The following CFAP61 variants were observed in gnomAD, a reference collection of about 807,000 sequenced individuals.
CFAP61 encodes the protein cilia- and flagella-associated protein 61.
In CFAP61, 107 loss-of-function variants were observed where a neutral mutation model predicts 135.6. The ratio of observed to expected loss-of-function variants is 0.79; its 90% CI spans 0.67 to 0.93. The LOEUF is 0.93. Among genes scored for constraint, CFAP61 ranks in the 40% least tolerant of loss-of-function variants. CFAP61 has a pLI of 0.00. For synonymous variants in CFAP61, 575 were observed against 578.5 expected (o/e 0.99, Z 0.09); for missense variants, 1,507 against 1,556.2 (o/e 0.97, Z 0.53).
At chr20:20,300,098 T>A (rs1445638091) in intron 25 of CFAP61, among the ~76,000 whole-genome samples, 2 of 152,314 alleles carry the variant, frequency 1.3e-5, no homozygotes, top group South Asian at 4.1e-4. Flanking sequence ...GCACAACACA[T>A]GACTCACGTG....
At chr20:20,222,929 A>G (rs567725258) in intron 17 of CFAP61, among the ~76,000 whole-genome samples, 2 of 152,236 alleles carry the variant, frequency 1.3e-5, no homozygotes, top group Non-Finnish European at 2.9e-5. Flanking sequence ...TTACATTTAT[A>G]AAGCAAAAGT....
chr20:20,108,212 A>T (rs1490893104), intron 8 of CFAP61, among the ~76,000 whole-genome samples: 1 of 152,210 alleles, frequency 6.6e-6, no homozygotes, highest in Non-Finnish European at 1.5e-5. Flanking sequence ...CTGATATAAC[A>T]TTCTGGAGTA....
At chr20:20,101,552 G>A (rs2048020558) in intron 8 of CFAP61, among the ~76,000 whole-genome samples, 1 of 152,176 alleles carries the variant, frequency 6.6e-6, no homozygotes, top group South Asian at 2.1e-4. Context: ...GGTTTTGACA[G>A]AAAACTCCAA....
chr20:20,164,115 C>T lies in CFAP61; in HGVS notation c.1092C>T (p.Ser364=), dbSNP rs904258854. 1.8e-5 allele frequency: 29 copies of T among 1,613,836 alleles called. No homozygotes were observed. Among genetic ancestry groups the T allele is most frequent in the Non-Finnish European group, 2.2e-5 (26 of 1,179,884 alleles). ...AGTATCACCATGTCAGCAGTAGGAG[C>T]TTGGCATCGCTCGTACTGCCTGAAG... ...YAQYHHVSSR[S]LASLVLPEEP... Residue 364 remains serine, a synonymous_variant, in exon 11 of 27, where the codon AGC becomes AGT. Transcript: ENST00000245957.
chr20:20,149,205 A>AAAG (rs2052181354), intron 9 of CFAP61, among the ~76,000 whole-genome samples: 1 of 152,212 alleles, frequency 6.6e-6, no homozygotes, highest in Admixed American at 6.5e-5. Context: ...AGACTCAATA[A>AAAG]ATTTAGGATT....
chr20:20,357,450 CAGTGTGCGGGGAGGTGGTCAT>C (rs1308595369), intron 26 of CFAP61, among the ~76,000 whole-genome samples: 30 of 8,880 alleles, frequency 3.4e-3, no homozygotes, highest in Admixed American at 5.7e-3. Context: ...GAGGTGGTCA[CAGTGTGCGGGGAGGTGGTCAT>C]ACTGAGGGGA....
chr20:20,337,366 A>G (rs1188776137), intron 25 of CFAP61, among the ~76,000 whole-genome samples: 1 of 129,758 alleles, frequency 7.7e-6, no homozygotes, highest in Non-Finnish European at 1.6e-5. Context: ...GGATGGATGG[A>G]TGGATGGATG....
intron 25 of CFAP61, among the ~76,000 whole-genome samples, chr20:20,334,339 C>G (rs1239119406): frequency 6.6e-6 from 1 of 152,144 alleles, no homozygotes; most frequent in Non-Finnish European, 1.5e-5. Context: ...CTTGGCCAGG[C>G]TGGTCTCGAA....
intron 26 of CFAP61, among the ~76,000 whole-genome samples, chr20:20,349,226 G>T (rs921445593): frequency 2.0e-5 from 3 of 152,144 alleles, no homozygotes; most frequent in African/African-American, 7.2e-5. Context: ...CCTGAGACTG[G>T]GTAGTTTATA....
chr20:20,124,477 T>C (rs372520862), intron 8 of CFAP61, among the ~76,000 whole-genome samples: 1 of 151,930 alleles, frequency 6.6e-6, no homozygotes, highest in African/African-American at 2.4e-5. Context: ...AAATGCTTTT[T>C]CTGCATCTAT....
chr20:20,154,040 G>A (rs1265336620), intron 9 of CFAP61, among the ~76,000 whole-genome samples: 3 of 152,064 alleles, frequency 2.0e-5, no homozygotes, highest in African/African-American at 7.2e-5. Flanking sequence ...TACCAGGGAT[G>A]CAGGGTTTAA....
intron 25 of CFAP61, among the ~76,000 whole-genome samples, chr20:20,313,836 C>T (rs895136253): frequency 4.6e-5 from 7 of 152,154 alleles, no homozygotes; most frequent in African/African-American, 1.2e-4. Context: ...TTCTCTGCTA[C>T]GTCATAACAT....
chr20:20,218,772 A>G (rs959268983), intron 17 of CFAP61, among the ~76,000 whole-genome samples: 5 of 152,206 alleles, frequency 3.3e-5, no homozygotes, highest in Admixed American at 6.5e-5. Context: ...GATCCTTGAT[A>G]TGTATCTGTC....
chr20:20,119,964 A>G (rs184668895), intron 8 of CFAP61, among the ~76,000 whole-genome samples: 161 of 152,340 alleles, frequency 1.1e-3, no homozygotes, highest in African/African-American at 3.7e-3. Flanking sequence ...CAAAGGCTGC[A>G]TAGTATTCCA....
In CFAP61 at chr20:20,191,348, A is replaced by T; in HGVS notation, c.1519A>T (p.Thr507Ser). 1 of 1,612,740 alleles carries T rather than the reference A, an allele frequency of 6.2e-7. No homozygotes were observed. The highest frequency in any genetic ancestry group is 1.7e-5 in the Admixed American group (1 of 60,010). Residue 507 changes from threonine (T) to serine (S), a missense_variant, in exon 15 of 27, where the codon ACA (threonine) becomes TCA (serine). Coordinates refer to ENST00000245957, the MANE Select transcript of CFAP61 (RefSeq NM_015585.4). ...YNKARKDPDG[T>S]LLQAFVAEVA... ...TATATGCTTATCTTTTCAGGATGGA[A>T]CACTGCTGCAGGCATTTGTAGCTGA...
rs375931602 is a variant in CFAP61, at chr20:20,098,695, G to C, written c.740G>C (p.Arg247Thr). The part of the protein sequence containing the change: ...TAVGFMSVCS[R>T]VNMQLLHECF... The stretch of plus-strand genomic sequence containing the variant: ...GTTGGGTTCATGAGTGTGTGCTCAA[G>C]AGTGAACATGCAACTGCTGCATGAG... Residue 247 changes from arginine to threonine, a missense_variant, in exon 8 of 27, where the codon AGA (arginine) becomes ACA (threonine). By Grantham distance (71) the Arg-to-Thr change is moderately conservative. Transcript: ENST00000245957. 6.8e-6 allele frequency: 11 copies of C among 1,613,136 alleles called. No homozygotes were observed. In the Admixed American group the frequency reaches 8.3e-5, roughly 12 times the overall value.
chr20:20,347,932 CAA>C (rs139136148), intron 26 of CFAP61, among the ~76,000 whole-genome samples: 76 of 75,174 alleles, frequency 1.0e-3, no homozygotes, highest in Middle Eastern at 7.1e-3. Flanking sequence ...GACGCCATCT[CAA>C]AAAAAAAAAA....
At chr20:20,319,424 G>C (rs1357414578) in intron 25 of CFAP61, among the ~76,000 whole-genome samples, 1 of 152,218 alleles carries the variant, frequency 6.6e-6, no homozygotes, top group African/African-American at 2.4e-5. Flanking sequence ...CCCATTGTTG[G>C]AAGAGGGGCC....
intron 2 of CFAP61, among the ~76,000 whole-genome samples, chr20:20,067,396 C>T (rs1363400584): frequency 6.6e-6 from 1 of 152,054 alleles, no homozygotes; most frequent in African/African-American, 2.4e-5. Context: ...CAGAGCGAGA[C>T]TCCGTCTCAA....
Sources: gnomAD v4.1 joint callset for allele counts (sites outside exome capture counted in the v4.1 genomes callset) on GRCh38, gnomAD v4.1.1 for gene constraint, MANE v1.5 for transcripts, NCBI Gene and HGNC (gene_info 2026-07-23, HGNC 2026-07-21) for gene names.